Variants in ZNF780A observed in about 807,000 individuals in gnomAD.
ZNF780A encodes the protein zinc finger protein 780A.
ZNF780A carries 40 observed loss-of-function variants against 56.7 expected under a neutral mutation model. The ratio of observed to expected loss-of-function variants is 0.71; its 90% CI spans 0.55 to 0.92. ZNF780A has a LOEUF of 0.92. Ranked by LOEUF, ZNF780A falls within the 40% of genes least tolerant of loss-of-function variation. The pLI is 0.00. For missense variants in ZNF780A, 672 were observed against 783.3 expected (o/e 0.86, Z 1.70); for synonymous variants, 231 against 248.3 (o/e 0.93, Z 0.66).
At position 40,073,563 on chromosome 19, in the gene ZNF780A, T is replaced by C. The variant is rs979451940; in HGVS notation, c.*953A>G. 5 of 985,796 alleles carry C rather than the reference T, an allele frequency of 5.1e-6. No homozygotes were observed. Among genetic ancestry groups the C allele is most frequent in the African/African-American group, 1.7e-5 (1 of 57,232 alleles). 61.1% of individuals were successfully genotyped at this position (985,796 alleles called of 1,614,324 possible). The stretch of plus-strand genomic sequence containing the variant: ...GGTAAATTATTTCATAGGGAGTACA[T>C]TGTGAACATGACAACTACCCTATAT... On this transcript the variant is annotated 3_prime_UTR_variant, in exon 6 of 6. Coordinates refer to ENST00000683561, the MANE Select transcript of ZNF780A (RefSeq NM_001142578.2).
chr19:40,073,609 C>G lies in ZNF780A; in HGVS notation c.*907G>C. 1 of 985,816 alleles carries G rather than the reference C, an allele frequency of 1.0e-6. No homozygotes were observed. Among genetic ancestry groups the G allele is most frequent in the Non-Finnish European group, 1.2e-6 (1 of 830,290 alleles). 61.1% of individuals were successfully genotyped at this position (985,816 alleles called of 1,614,324 possible). ...TATATTCCTCATTCAAAGACTTTCT[C>G]ACAAGAATTATCTTCTCCGAACTCT... On this transcript the variant is annotated 3_prime_UTR_variant, in exon 6 of 6. Transcript: ENST00000683561.
downstream of ZNF780A, chr19:40,071,088 G>C (rs1973802287): frequency 6.6e-6 from 1 of 152,040 alleles, no homozygotes; most frequent in African/African-American, 2.4e-5. Flanking sequence ...TATGATTATA[G>C]ATACAATTAA....
chr19:40,082,350 C>T (rs1336780802), intron 4 of ZNF780A, among the ~76,000 whole-genome samples: 1 of 152,106 alleles, frequency 6.6e-6, no homozygotes, highest in Non-Finnish European at 1.5e-5. Context: ...CTAACATTGC[C>T]TGATGTACAG....
chr19:40,076,050 T>C lies in ZNF780A; in HGVS notation c.392A>G (p.Gln131Arg). ...DSEYRQFEGL[Q>R]GYQEGNINQK... is the part of the protein sequence containing the mutation. ...ATTGATATTTCCTTCTTGATATCCC[T>C]GTAGTCCCTCAAATTGTCTATATTC... is the stretch of plus-strand genomic sequence containing the variant. The change falls in exon 6 of 6, where the codon CAG becomes CGG. Residue 131 changes from glutamine (Q) to arginine (R), a missense_variant. Physicochemically the swap from Gln to Arg is conservative, Grantham distance 43. Transcript: ENST00000683561. 1.2e-6 allele frequency: 2 copies of C among 1,613,974 alleles called. No individual in the cohort carries two copies. The highest frequency in any genetic ancestry group is 1.7e-6 in the Non-Finnish European group (2 of 1,179,964).
intron 2 of ZNF780A, chr19:40,085,075 C>T (rs1974715539): frequency 1.1e-6 from 1 of 924,732 alleles, no homozygotes; most frequent in Non-Finnish European, 1.3e-6. Context: ...GAAGTTGTGG[C>T]TTCCAGCCAG....
intron 2 of ZNF780A, 36 bp from the exon 3 acceptor site, chr19:40,084,834 A>C (rs1386699301): frequency 6.5e-7 from 1 of 1,546,360 alleles, no homozygotes; most frequent in Non-Finnish European, 8.7e-7. Context: ...CCACAATTAA[A>C]GCTGTGTCTC....
chr19:40,071,831 T>A (rs932806293), downstream of ZNF780A: 1 of 152,524 alleles, frequency 6.6e-6, no homozygotes, highest in African/African-American at 2.4e-5. Flanking sequence ...GTACAGAATA[T>A]GCAACAAAGA....
rs954773754 is a variant in ZNF780A at position 40,075,049 on chromosome 19, G to A, written c.1393C>T (p.Arg465Ter). The A allele has an allele frequency of 6.8e-6, 11 of 1,613,638 alleles. No homozygotes were observed. The highest frequency in any genetic ancestry group is 3.3e-5 in the Admixed American group (2 of 59,952). The stretch of plus-strand genomic sequence containing the variant: ...AATGGCTTGTCACCAGTATGAATTC[G>A]AGAATGTTCAATAAGTTGGCAATGA... ...RYHCQLIEHS[R>*]IHTGDKPFEC... Residue 465 changes from arginine (R) to a stop codon, truncating the protein, a stop_gained, in exon 6 of 6, where the codon CGA becomes TGA. Transcript: ENST00000683561. LOFTEE classifies it high-confidence loss of function.
Position 40,074,072 on chromosome 19 carries a change from G to T in ZNF780A, c.*444C>A. Reference sequence around the variant, plus strand: ...GTGCAGTCAGGACCAAACTAAATCTGAAAGTTTTCCCACACTCCTTACATT... The same window carrying T: ...GTGCAGTCAGGACCAAACTAAATCTTAAAGTTTTCCCACACTCCTTACATT... On this transcript the variant is annotated 3_prime_UTR_variant, in exon 6 of 6. Coordinates refer to ENST00000683561, the MANE Select transcript of ZNF780A (RefSeq NM_001142578.2). 8.0e-7 allele frequency: 1 copy of T among 1,256,234 alleles called. No individual in the cohort carries two copies. The highest frequency in any genetic ancestry group is 1.9e-5 in the South Asian group (1 of 54,014). The allele number at this position is 1,256,234 out of a possible 1,614,324, so 77.8% of individuals were successfully genotyped here.
intron 2 of ZNF780A, among the ~76,000 whole-genome samples, chr19:40,088,159 C>T (rs766269571): frequency 1.6e-4 from 24 of 151,792 alleles, no homozygotes; most frequent in Non-Finnish European, 2.4e-4. Flanking sequence ...CAAAAATGAA[C>T]GAATGAAATT....
downstream of ZNF780A, chr19:40,069,673 G>C (rs1003854479): frequency 2.1e-4 from 32 of 152,100 alleles, no homozygotes; most frequent in African/African-American, 7.5e-4. Flanking sequence ...CATACATCTA[G>C]TATCATGTCA....
At chr19:40,078,310 C>A (rs1599838689) in intron 5 of ZNF780A, among the ~76,000 whole-genome samples, 1 of 151,870 alleles carries the variant, frequency 6.6e-6, no homozygotes, top group South Asian at 2.1e-4. Flanking sequence ...ATAAAACAAC[C>A]AAATATTTGA....
At chr19:40,084,896 TA>T in intron 2 of ZNF780A, 98 bp from the exon 3 acceptor site, 1 of 1,374,944 alleles carries the variant, frequency 7.3e-7, no homozygotes. Flanking sequence ...CTACTCCTGC[TA>T]ACACGCACAC....
At chr19:40,085,989 T>C (rs924910356) in intron 2 of ZNF780A, among the ~76,000 whole-genome samples, 1 of 125,186 alleles carries the variant, frequency 8.0e-6, no homozygotes, top group African/African-American at 3.9e-5. Flanking sequence ...TATATATTTA[T>C]ATATATATAT....
Position 40,075,815 on chromosome 19 carries a change from A to T in ZNF780A, c.627T>A (p.Thr209=). The T allele has an allele frequency of 6.2e-7, 1 of 1,614,066 alleles. No individual in the cohort carries two copies. The highest frequency in any genetic ancestry group is 8.5e-7 in the Non-Finnish European group (1 of 1,179,956). The part of the protein sequence containing the change: ...GKAFRLHIQF[T]RHQKFHTGEK... ...CACCAGTATGAAATTTCTGATGTCG[A>T]GTAAATTGTATGTGAAGTCGAAAGG... The change falls in exon 6 of 6, where the codon ACT becomes ACA. Residue 209 remains threonine (T), a synonymous_variant. Coordinates refer to ENST00000683561, the MANE Select transcript of ZNF780A (RefSeq NM_001142578.2).
chr19:40,086,995 G>A (rs573820910), intron 2 of ZNF780A, among the ~76,000 whole-genome samples: 7 of 152,218 alleles, frequency 4.6e-5, no homozygotes, highest in East Asian at 1.9e-4. Context: ...GAGCCACCGC[G>A]CCCCGCCCCA....
At chr19:40,087,031 T>A (rs1974842478) in intron 2 of ZNF780A, among the ~76,000 whole-genome samples, 1 of 152,170 alleles carries the variant, frequency 6.6e-6, no homozygotes, top group Non-Finnish European at 1.5e-5. Flanking sequence ...AGTATTATTG[T>A]TCATAGCATG....
intron 2 of ZNF780A, among the ~76,000 whole-genome samples, chr19:40,087,776 TA>T (rs1167054863): frequency 3.3e-5 from 5 of 152,132 alleles, no homozygotes; most frequent in Non-Finnish European, 7.4e-5. Flanking sequence ...AAAGCTATAG[TA>T]ACCAAAACAA....
chr19:40,085,108 T>A, intron 2 of ZNF780A: 1 of 976,096 alleles, frequency 1.0e-6, no homozygotes, highest in Non-Finnish European at 1.2e-6. Context: ...GGGATACCTA[T>A]CTTGGCCTAG....
Sources: gnomAD v4.1 joint callset for allele counts (sites outside exome capture counted in the v4.1 genomes callset) on GRCh38, gnomAD v4.1.1 for gene constraint, MANE v1.5 for transcripts, NCBI Gene and HGNC (gene_info 2026-07-23, HGNC 2026-07-21) for gene names.